Variants in DYNC1H1 observed in about 807,000 individuals in gnomAD.
The protein encoded by DYNC1H1 is cytoplasmic dynein 1 heavy chain 1.
A neutral mutation model predicts 527.1 loss-of-function variants in DYNC1H1; 51 were observed. That is an observed-to-expected ratio of 0.10 (90% CI 0.08 to 0.12). The LOEUF is 0.12. Ranked by LOEUF, DYNC1H1 falls within the 10% of genes least tolerant of loss-of-function variation. The pLI is 1.00. For synonymous variants in DYNC1H1, 2,189 were observed against 2,278.8 expected (o/e 0.96, Z 1.12); for missense variants, 2,771 against 5,971.8 (o/e 0.46, Z 17.66).
At position 102,039,202 on chromosome 14, in the gene DYNC1H1, C is replaced by A. The variant is rs571126286; in HGVS notation, c.11408C>A (p.Pro3803Gln). ...GAGACCGTGTCCCAGCAGTACCTCC[C>A]GCTCTCCACCGCCTGCAGCAGCATC... ...EVETVSQQYL[P>Q]LSTACSSIYF... The change falls in exon 60 of 78, where the codon CCG becomes CAG. Residue 3803 changes from proline to glutamine, a missense_variant. This residue lies in a region of DYNC1H1 where 283 missense variants were observed against 737.6 expected (regional missense o/e 0.38). Coordinates refer to ENST00000360184, the MANE Select transcript of DYNC1H1 (RefSeq NM_001376.5). This position sits in a 1 kb window ranked among gnomAD's most constrained non-coding sequence, Gnocchi z 7.0. 6.2e-7 allele frequency: 1 copy of A among 1,614,074 alleles called. No homozygotes were observed.
rs978262204 is a variant in DYNC1H1 at position 101,991,231 on chromosome 14, T to G, written c.2869-296T>G. On this transcript the variant is annotated intron_variant, in intron 10 of 77. Transcript: ENST00000360184. ...GCTCACACCTGTAATCCCAGCACTT[T>G]GGGAGGCTGAAGCGGGTGGATCACC... Among the ~76,000 whole-genome samples the G allele has an allele frequency of 5.3e-5, 8 of 152,032 alleles. No individual in the cohort carries two copies. The South Asian group carries it at 1.4e-3, about 28-fold the overall frequency.
rs762841871 is a variant in DYNC1H1 at position 102,049,628 on chromosome 14, G to A, written c.13515+46G>A. 12 of 1,613,188 alleles carry A rather than the reference G, an allele frequency of 7.4e-6. No individual in the cohort carries two copies. Among genetic ancestry groups the A allele is most frequent in the Middle Eastern group, 1.6e-4 (1 of 6,062 alleles). ...TCTCGGGTGGTCAGCAGCTGTCCTG[G>A]GCTGGGGTGGGAGTGGCTCTGGGGA... On this transcript the variant is annotated intron_variant, in intron 75 of 77. Transcript: ENST00000360184. This position sits in a 1 kb window ranked among gnomAD's most constrained non-coding sequence, Gnocchi z 5.5.
At position 102,044,655 on chromosome 14, in the gene DYNC1H1, G is replaced by A; in HGVS notation, c.12963G>A (p.Leu4321=). ...LLPDTQTPSW[L]GLPNNAERVL... ...CCGACACCCAGACGCCCTCCTGGCTGGGCCTGCCCAACAACGCCGAGAGAG... is the reference window on the plus strand; with the variant it reads ...CCGACACCCAGACGCCCTCCTGGCTAGGCCTGCCCAACAACGCCGAGAGAG... Residue 4321 remains leucine (L), a synonymous_variant, in exon 72 of 78, where the codon CTG becomes CTA. Coordinates refer to ENST00000360184, the MANE Select transcript of DYNC1H1 (RefSeq NM_001376.5). This position sits in a 1 kb window ranked among gnomAD's most constrained non-coding sequence, Gnocchi z 7.1. The A allele has an allele frequency of 1.2e-6, 2 of 1,614,170 alleles. No individual in the cohort carries two copies. The highest frequency in any genetic ancestry group is 1.7e-6 in the Non-Finnish European group (2 of 1,180,048).
In DYNC1H1 at chr14:102,012,333, G is replaced by A; in HGVS notation, c.6877G>A (p.Gly2293Ser). Reference sequence around the variant, plus strand: ...AACCAGGATCATCGACAGCGTGAGAGGCGAGCTGCAGAAGCGCCAGTGGAT... The same window carrying A: ...AACCAGGATCATCGACAGCGTGAGAAGCGAGCTGCAGAAGCGCCAGTGGAT... ...VLRKIIDSVR[G>S]ELQKRQWIVF... Residue 2293 changes from glycine to serine, a missense_variant, in exon 34 of 78, where the codon GGC (glycine) becomes AGC (serine). This residue lies in a region of DYNC1H1 where 56 missense variants were observed against 183.8 expected (regional missense o/e 0.30). Coordinates refer to ENST00000360184, the MANE Select transcript of DYNC1H1 (RefSeq NM_001376.5). This position sits in a 1 kb window ranked among gnomAD's most constrained non-coding sequence, Gnocchi z 4.9. The A allele has an allele frequency of 6.2e-7, 1 of 1,614,238 alleles. No individual in the cohort carries two copies. Among genetic ancestry groups the A allele is most frequent in the Non-Finnish European group, 8.5e-7 (1 of 1,180,034 alleles).
chr14:101,973,533 T>C lies in DYNC1H1; in HGVS notation c.257-2179T>C, dbSNP rs1367960133. Among the ~76,000 whole-genome samples the C allele has an allele frequency of 2.0e-5, 3 of 152,194 alleles. No individual in the cohort carries two copies. The East Asian group carries it at 5.8e-4, about 29-fold the overall frequency. The stretch of plus-strand genomic sequence containing the variant: ...CATCTTAAAACTAAGGAAGCAGGGG[T>C]TGGGCGCAATGACTCATGCCTGTAG... On this transcript the variant is annotated intron_variant, in intron 1 of 77. Coordinates refer to ENST00000360184, the MANE Select transcript of DYNC1H1 (RefSeq NM_001376.5).
At position 102,049,940 on chromosome 14, in the gene DYNC1H1, A is replaced by G. The variant is rs1022991980; in HGVS notation, c.13684+58A>G. The G allele has an allele frequency of 7.1e-6, 11 of 1,549,414 alleles. No individual in the cohort carries two copies. Among genetic ancestry groups the G allele is most frequent in the Non-Finnish European group, 9.5e-6 (11 of 1,160,532 alleles). ...TTGCAGGTGACCTCGGTGGCCTGAG[A>G]CCATTGTTCCCAGATACATGCACTT... is the stretch of plus-strand genomic sequence containing the variant. On this transcript the variant is annotated intron_variant, in intron 76 of 77. Coordinates refer to ENST00000360184, the MANE Select transcript of DYNC1H1 (RefSeq NM_001376.5). The surrounding 1 kb of genome is among the most constrained non-coding windows in gnomAD (Gnocchi z 5.5).
chr14:102,001,621 C>T lies in DYNC1H1; in HGVS notation c.4482C>T (p.Phe1494=). ...CRLIRGWDDL[F]NKVKEHINSV... The stretch of plus-strand genomic sequence containing the variant: ...TGATCCGTGGCTGGGATGACCTCTT[C>T]AACAAGGTCAAAGAACACATCAACA... Residue 1494 remains phenylalanine (F), a synonymous_variant, in exon 21 of 78, where the codon TTC becomes TTT. Transcript: ENST00000360184. The surrounding 1 kb of genome is among the most constrained non-coding windows in gnomAD (Gnocchi z 5.0). 1 of 1,614,186 alleles carries T rather than the reference C, an allele frequency of 6.2e-7. No individual in the cohort carries two copies. Among genetic ancestry groups the T allele is most frequent in the South Asian group, 1.1e-5 (1 of 91,086 alleles).
Position 102,004,249 on chromosome 14 carries a change from T to A in DYNC1H1, c.4884-269T>A, listed in dbSNP as rs1053626653. ...ACAGAGCAAGACTCCGTCTCAAAAA[T>A]AAATAAATAAATAAATAAATAAAGT... On this transcript the variant is annotated intron_variant, in intron 23 of 77. Coordinates refer to ENST00000360184, the MANE Select transcript of DYNC1H1 (RefSeq NM_001376.5). 2.7e-5 allele frequency among the ~76,000 whole-genome samples: 2 copies of A among 74,704 alleles called. 1 individual carries two copies. Among genetic ancestry groups the A allele is most frequent in the Non-Finnish European group, 4.4e-5 (2 of 45,790 alleles). The allele number at this position is 74,704 out of a possible 152,430, so 49.0% of individuals were successfully genotyped here.
intron 1 of DYNC1H1, among the ~76,000 whole-genome samples, chr14:101,970,072 G>A (rs1188862266): frequency 6.6e-6 from 1 of 152,156 alleles, no homozygotes. Context: ...CAAGTCTTAA[G>A]TTCCTTTAGT....
rs2048261576 is a variant in DYNC1H1, at chr14:102,011,770, C to T, written c.6619-105C>T. 6.1e-5 allele frequency: 77 copies of T among 1,263,646 alleles called. 1 individual carries two copies. In the South Asian group the frequency reaches 9.4e-4, roughly 15 times the overall value. 78.3% of individuals were successfully genotyped at this position (1,263,646 alleles called of 1,614,324 possible). ...CCGTTTCAGGAAAAAAAAAAAAATC[C>T]ACACATAATGTTTCTTGCTCACTTT... On this transcript the variant is annotated intron_variant, in intron 32 of 77. Coordinates refer to ENST00000360184, the MANE Select transcript of DYNC1H1 (RefSeq NM_001376.5). The surrounding 1 kb of genome is among the most constrained non-coding windows in gnomAD (Gnocchi z 5.3).
rs1013312250 is a variant in DYNC1H1 at position 102,042,837 on chromosome 14, C to T, written c.12513+89C>T. The stretch of plus-strand genomic sequence containing the variant: ...ATGCAGAAGTGGGTCCCTGGGCCCC[C>T]GGAAGTGCCGTGTGGTGAACTGCAC... On this transcript the variant is annotated intron_variant, in intron 69 of 77. Transcript: ENST00000360184. This position sits in a 1 kb window ranked among gnomAD's most constrained non-coding sequence, Gnocchi z 5.7. 1.4e-5 allele frequency: 20 copies of T among 1,444,502 alleles called. 1 individual carries two copies. The Admixed American group carries it at 1.7e-4, about 12-fold the overall frequency. The allele number at this position is 1,444,502 out of a possible 1,614,324, so 89.5% of individuals were successfully genotyped here. A position where few individuals can be genotyped will look rare whatever the true frequency, so the allele number is the denominator to read the frequency against.
chr14:101,980,612 C>G, intron 5 of DYNC1H1, 62 bp downstream of exon 5: 1 of 1,566,700 alleles, frequency 6.4e-7, no homozygotes, highest in South Asian at 1.2e-5. Context: ...CGAGATCTTA[C>G]TTGATAATTT....
In DYNC1H1 at chr14:102,027,777, C is replaced by T. The variant is rs759151198; in HGVS notation, c.9207C>T (p.Asn3069=). 6.2e-7 allele frequency: 1 copy of T among 1,614,222 alleles called. No homozygotes were observed. The highest frequency in any genetic ancestry group is 8.5e-7 in the Non-Finnish European group (1 of 1,180,042). The change falls in exon 47 of 78, where the codon AAC becomes AAT. Residue 3069 remains asparagine, a synonymous_variant. Transcript: ENST00000360184. This position sits in a 1 kb window ranked among gnomAD's most constrained non-coding sequence, Gnocchi z 7.7. ...IRNLHVVFTM[N]PSSEGLKDRA... is the part of the protein sequence containing the mutation. Reference sequence around the variant, plus strand: ...ACCTCCACGTCGTGTTCACCATGAACCCGTCCTCGGAGGGACTCAAGGACC... The same window carrying T: ...ACCTCCACGTCGTGTTCACCATGAATCCGTCCTCGGAGGGACTCAAGGACC...
At chr14:101,966,225 G>A (rs1228631464) in intron 1 of DYNC1H1, among the ~76,000 whole-genome samples, 1 of 152,180 alleles carries the variant, frequency 6.6e-6, no homozygotes, top group African/African-American at 2.4e-5. Flanking sequence ...CTCAGAAGAT[G>A]CTTCCCTGTA....
rs151001016 is a variant in DYNC1H1, at chr14:102,008,331, G to A, written c.5971G>A (p.Asp1991Asn). The change falls in exon 29 of 78, where the codon GAC becomes AAC. Residue 1991 changes from aspartate (D) to asparagine (N), a missense_variant. Physicochemically the swap from Asp to Asn is conservative, Grantham distance 23 (BLOSUM62 1). This residue lies in a region of DYNC1H1 where 39 missense variants were observed against 38.8 expected (regional missense o/e 1.00). Coordinates refer to ENST00000360184, the MANE Select transcript of DYNC1H1 (RefSeq NM_001376.5). Reference sequence around the variant, plus strand: ...GCGTGAACATTCCAACCCCAACTACGACAAGAGTAAGACACCTCTTCTTCA... The same window carrying A: ...GCGTGAACATTCCAACCCCAACTACAACAAGAGTAAGACACCTCTTCTTCA... ...ALREHSNPNYDKTSAPITCEL... is the reference protein window; with the variant it reads ...ALREHSNPNYNKTSAPITCEL... The A allele has an allele frequency of 2.8e-4, 455 of 1,613,966 alleles. No individual in the cohort carries two copies. The highest frequency in any genetic ancestry group is 6.2e-4 in the Admixed American group (37 of 60,000).
rs541855664 is a variant in DYNC1H1, at chr14:102,024,692, C to CT, written c.8637+1831dup. On this transcript the variant is annotated intron_variant, in intron 43 of 77. Transcript: ENST00000360184. ...TGTGGCTTATCTTTTTTTTTTAACT[C>CT]TTTTTTTTTTTTTTTTTTTGGAGAT... 8.5e-3 allele frequency among the ~76,000 whole-genome samples: 929 copies of CT among 109,482 alleles called. 13 individuals carry two copies. Among genetic ancestry groups the CT allele is most frequent in the Admixed American group, 0.022 (226 of 10,106 alleles). The allele number at this position is 109,482 out of a possible 152,430, so 71.8% of individuals were successfully genotyped here.
At position 101,988,757 on chromosome 14, in the gene DYNC1H1, GTTC is replaced by G; in HGVS notation, c.2779_2781del (p.Leu927del). ...AGCTGGCCTGAGAGCTTGGACGCAG[GTTC>G]TTCTTGGACAAGCTGAAGATAAAGC... On this transcript the variant is annotated inframe_deletion, in exon 10 of 78. Coordinates refer to ENST00000360184, the MANE Select transcript of DYNC1H1 (RefSeq NM_001376.5). 1.2e-6 allele frequency: 2 copies of G among 1,614,220 alleles called. No individual in the cohort carries two copies. Among genetic ancestry groups the G allele is most frequent in the Non-Finnish European group, 1.7e-6 (2 of 1,180,050 alleles).
Position 102,036,484 on chromosome 14 carries a change from C to A in DYNC1H1, c.10755-5C>A. 1 of 1,613,578 alleles carries A rather than the reference C, an allele frequency of 6.2e-7. No individual in the cohort carries two copies. The highest frequency in any genetic ancestry group is 2.2e-5 in the East Asian group (1 of 44,878). The stretch of plus-strand genomic sequence containing the variant: ...CAACCTTCTCTTCTGTGGCCTCATC[C>A]TCAGGTATCCGCTGATCATTGACCC... On this transcript the variant is annotated splice_polypyrimidine_tract_variant and splice_region_variant and intron_variant, in intron 56 of 77. Transcript: ENST00000360184. This position sits in a 1 kb window ranked among gnomAD's most constrained non-coding sequence, Gnocchi z 5.6.
intron 16 of DYNC1H1, among the ~76,000 whole-genome samples, chr14:101,999,444 A>G (rs1389661230): frequency 1.3e-5 from 2 of 152,226 alleles, no homozygotes; most frequent in Admixed American, 1.3e-4. Context: ...CGTCCAGCCT[A>G]AGTAAAATGT....
Sources: gnomAD v4.1 joint callset for allele counts (sites outside exome capture counted in the v4.1 genomes callset) on GRCh38, gnomAD v4.1.1 for gene constraint, gnomAD v4.1.1 regional missense constraint, Gnocchi (gnomAD v3.1) non-coding constraint, MANE v1.5 for transcripts, NCBI Gene and HGNC (gene_info 2026-07-23, HGNC 2026-07-21) for gene names.